The following SND1 variants were observed in gnomAD, a reference collection of about 807,000 sequenced individuals.
SND1 encodes staphylococcal nuclease and tudor domain containing 1.
A neutral mutation model predicts 121.7 loss-of-function variants in SND1; 38 were observed. The observed-to-expected ratio is 0.31, with a 90% confidence interval of 0.24 to 0.41. The LOEUF is 0.41. SND1 is among the 10% of genes least tolerant of loss of function. SND1 has a pLI of 1.00. For synonymous variants in SND1, 401 were observed against 447.4 expected, an observed-to-expected ratio of 0.90 and a Z score of 1.31; for missense variants, 868 against 1,184.6, an observed-to-expected ratio of 0.73 and a Z score of 3.92.
At chr7:127,718,866 GT>G in intron 9 of SND1, 1 of 519,798 alleles carries the variant, frequency 1.9e-6, no homozygotes, top group Non-Finnish European at 2.5e-6. Context: ...ATTTCCTTAT[GT>G]TTTTGGGAAT....
intron 16 of SND1, among the ~76,000 whole-genome samples, chr7:128,037,949 A>G (rs181761489): frequency 1.8e-4 from 28 of 152,322 alleles, no homozygotes; most frequent in African/African-American, 6.5e-4. Flanking sequence ...ACCTCCTGGC[A>G]TTGCCACCAA....
intron 12 of SND1, among the ~76,000 whole-genome samples, chr7:127,865,781 CT>C (rs111595150): frequency 0.03 from 4,260 of 141,800 alleles, 69 homozygotes; most frequent in African/African-American, 0.048. Flanking sequence ...ATTTATTTAT[CT>C]TTTTTTTTTT....
intron 15 of SND1, among the ~76,000 whole-genome samples, chr7:127,952,222 TTA>T (rs1801477426): frequency 6.6e-6 from 1 of 152,244 alleles, no homozygotes; most frequent in African/African-American, 2.4e-5. Flanking sequence ...ATGTATATTC[TTA>T]TATATAAGTT....
intron 12 of SND1, among the ~76,000 whole-genome samples, chr7:127,870,753 T>C (rs1799569942): frequency 6.6e-6 from 1 of 152,188 alleles, no homozygotes; most frequent in Non-Finnish European, 1.5e-5. Flanking sequence ...AGGATGTTAC[T>C]GTACGCTACT....
intron 16 of SND1, among the ~76,000 whole-genome samples, chr7:128,019,929 G>C (rs369399326): frequency 9.2e-5 from 14 of 152,140 alleles, no homozygotes; most frequent in African/African-American, 2.9e-4. Flanking sequence ...CACTAGGAAG[G>C]CCAGGGAGGT....
At chr7:127,992,326 C>T (rs916859316) in intron 16 of SND1, among the ~76,000 whole-genome samples, 2 of 152,174 alleles carry the variant, frequency 1.3e-5, no homozygotes, top group Admixed American at 1.3e-4. Context: ...TAACCCCGTG[C>T]AAGAGAAGTA....
intron 10 of SND1, among the ~76,000 whole-genome samples, chr7:127,738,605 G>A (rs545697502): frequency 1.1e-4 from 16 of 152,158 alleles, no homozygotes; most frequent in African/African-American, 2.4e-4. Context: ...TAAGGCTAAC[G>A]TGTTTATCTG....
chr7:127,795,063 A>T (rs891316025), intron 10 of SND1, among the ~76,000 whole-genome samples: 1 of 152,148 alleles, frequency 6.6e-6, no homozygotes, highest in African/African-American at 2.4e-5. Flanking sequence ...AGATTTTTTT[A>T]AATGTCCTTT....
At chr7:127,765,636 G>C (rs1797397373) in intron 10 of SND1, among the ~76,000 whole-genome samples, 1 of 152,186 alleles carries the variant, frequency 6.6e-6, no homozygotes, top group Non-Finnish European at 1.5e-5. Context: ...GGCCTGGAGA[G>C]AATTTCTTGT....
intron 2 of SND1, among the ~76,000 whole-genome samples, chr7:127,694,013 C>G (rs946945355): frequency 1.3e-5 from 2 of 152,138 alleles, no homozygotes; most frequent in African/African-American, 4.8e-5. Flanking sequence ...GGATGTGTAG[C>G]TCAGTCCTCG....
At chr7:127,869,126 C>T (rs542676726) in intron 12 of SND1, among the ~76,000 whole-genome samples, 17 of 152,100 alleles carry the variant, frequency 1.1e-4, no homozygotes, top group Non-Finnish European at 2.4e-4. Context: ...AGTAGGGAAG[C>T]CAGGGAAGAG....
chr7:127,975,298 C>T (rs1449813432), intron 15 of SND1, among the ~76,000 whole-genome samples: 5 of 152,098 alleles, frequency 3.3e-5, no homozygotes, highest in Non-Finnish European at 7.4e-5. Flanking sequence ...TAGGGAGACA[C>T]TCAGGAGAAG....
chr7:127,857,183 CTTTT>C (rs71522259), intron 12 of SND1, among the ~76,000 whole-genome samples: 3 of 67,944 alleles, frequency 4.4e-5, no homozygotes, highest in Non-Finnish European at 5.9e-5. Context: ...AATGTCAACA[CTTTT>C]TTTTTTTTTT....
intron 11 of SND1, among the ~76,000 whole-genome samples, chr7:127,835,854 C>T (rs990863268): frequency 2.6e-5 from 4 of 151,986 alleles, no homozygotes; most frequent in Non-Finnish European, 4.4e-5. Flanking sequence ...TTTATATGTG[C>T]CTATTATTTA....
At chr7:127,828,356 A>T (rs1357500710) in intron 11 of SND1, among the ~76,000 whole-genome samples, 4 of 152,056 alleles carry the variant, frequency 2.6e-5, no homozygotes, top group African/African-American at 9.7e-5. Context: ...ATATCAGAAT[A>T]TATATACATA....
At chr7:128,050,663 C>T (rs1433825754) in intron 16 of SND1, among the ~76,000 whole-genome samples, 1 of 152,130 alleles carries the variant, frequency 6.6e-6, no homozygotes, top group African/African-American at 2.4e-5. Context: ...CCATCTCTTC[C>T]CCCAGTCTTA....
chr7:127,944,847 A>G (rs1379664057), intron 15 of SND1, among the ~76,000 whole-genome samples: 1 of 152,204 alleles, frequency 6.6e-6, no homozygotes, highest in African/African-American at 2.4e-5. Context: ...TCAGAGGGTA[A>G]TGCCACCTCG....
At position 127,799,847 on chromosome 7, in the gene SND1, A is replaced by G. The variant is rs550171478; in HGVS notation, c.1153-7637A>G. ...TTTTCCTTGAAACAACTCTTGAGGT[A>G]TTTGGATCTATGAGGCTTCTGTGTA... On this transcript the variant is annotated intron_variant, in intron 10 of 23. Transcript: ENST00000354725. Among the ~76,000 whole-genome samples, 30 of 152,314 alleles carry G rather than the reference A, an allele frequency of 2.0e-4. No individual in the cohort carries two copies. In the Middle Eastern group the frequency reaches 0.01, roughly 52 times the overall value.
chr7:127,732,982 A>C (rs2116415533), intron 10 of SND1, among the ~76,000 whole-genome samples: 1 of 152,308 alleles, frequency 6.6e-6, no homozygotes, highest in Middle Eastern at 3.4e-3. Flanking sequence ...TGTAAGATTT[A>C]CTTCCTTGAT....
Sources: gnomAD v4.1 joint callset for allele counts (sites outside exome capture counted in the v4.1 genomes callset) on GRCh38, gnomAD v4.1.1 for gene constraint, MANE v1.5 for transcripts, NCBI Gene and HGNC (gene_info 2026-07-23, HGNC 2026-07-21) for gene names.